SLCO5A1: variants seen among roughly 807,000 people sequenced by gnomAD.
SLCO5A1 encodes the protein organic anion transporter polypeptide-related protein 4.
SLCO5A1 carries 39 observed loss-of-function variants against 65.1 expected under a neutral mutation model. The observed-to-expected ratio is 0.60, with a 90% CI of 0.46 to 0.78. SLCO5A1 has a LOEUF of 0.78. Ranked by LOEUF, SLCO5A1 falls within the 30% of genes least tolerant of loss-of-function variation. The pLI is 0.00. For missense variants in SLCO5A1, 1,029 were observed against 1,069.4 expected, an observed-to-expected ratio of 0.96 and a Z score of 0.53; for synonymous variants, 438 against 415.7, an observed-to-expected ratio of 1.05 and a Z score of -0.65.
intron 6 of SLCO5A1, among the ~76,000 whole-genome samples, chr8:69,688,136 A>T (rs1466670111): frequency 6.6e-6 from 1 of 152,192 alleles, no homozygotes; most frequent in East Asian, 1.9e-4. Flanking sequence ...TGTGTCTCCA[A>T]ATAGAGCCAA....
intron 5 of SLCO5A1, among the ~76,000 whole-genome samples, chr8:69,710,858 T>C (rs1815210186): frequency 6.6e-6 from 1 of 152,130 alleles, no homozygotes; most frequent in African/African-American, 2.4e-5. Flanking sequence ...CTCGCTGCAC[T>C]ATCAAAACAG....
chr8:69,672,368 GA>G lies in SLCO5A1; in HGVS notation c.*500del, dbSNP rs1228161922. 1 of 161,990 alleles carries G rather than the reference GA, an allele frequency of 6.2e-6. No individual in the cohort carries two copies. Among genetic ancestry groups the G allele is most frequent in the Non-Finnish European group, 1.4e-5 (1 of 72,788 alleles). The allele number at this position is 161,990 out of a possible 1,614,324, so 10.0% of individuals were successfully genotyped here. ...CAGAAACATATCTGCTTTATTCCGT[GA>G]AAGTAAATGTAACATGCTGCACATA... On this transcript the variant is annotated 3_prime_UTR_variant, in exon 10 of 10. Transcript: ENST00000260126.
chr8:69,702,074 C>T (rs1308133592), intron 6 of SLCO5A1, among the ~76,000 whole-genome samples: 2 of 152,174 alleles, frequency 1.3e-5, no homozygotes, highest in East Asian at 3.8e-4. Flanking sequence ...AAAATTATTG[C>T]CCCTGCAAAT....
intron 5 of SLCO5A1, among the ~76,000 whole-genome samples, chr8:69,729,941 T>C (rs1816259954): frequency 6.6e-6 from 1 of 152,194 alleles, no homozygotes; most frequent in Non-Finnish European, 1.5e-5. Context: ...TGTTTTAAAA[T>C]CAGAAAACCT....
intron 3 of SLCO5A1, among the ~76,000 whole-genome samples, chr8:69,760,015 C>A (rs181948320): frequency 1.1e-4 from 16 of 152,284 alleles, no homozygotes; most frequent in Admixed American, 8.5e-4. Context: ...TGGCATAAAG[C>A]ACTGGTAAGA....
intron 2 of SLCO5A1, among the ~76,000 whole-genome samples, chr8:69,801,377 T>C (rs1819729618): frequency 6.6e-6 from 1 of 152,238 alleles, no homozygotes; most frequent in Non-Finnish European, 1.5e-5. Context: ...GAGTCTTTTT[T>C]TTCCTAATTA....
At chr8:69,685,355 C>T (rs1031163629) in intron 6 of SLCO5A1, among the ~76,000 whole-genome samples, 1 of 152,140 alleles carries the variant, frequency 6.6e-6, no homozygotes, top group Non-Finnish European at 1.5e-5. Flanking sequence ...TGAAGAGAAC[C>T]CATCATGAGA....
intron 4 of SLCO5A1, among the ~76,000 whole-genome samples, chr8:69,748,807 C>T (rs1029163762): frequency 2.0e-5 from 3 of 152,148 alleles, no homozygotes; most frequent in South Asian, 2.1e-4. Context: ...ATTCTCAGGC[C>T]GCACTCCAGA....
rs572762801 is a variant in SLCO5A1, at chr8:69,793,615, T to C, written c.908-31740A>G. On this transcript the variant is annotated intron_variant, in intron 2 of 9. Transcript: ENST00000260126. The stretch of plus-strand genomic sequence containing the variant: ...CCAACATGGCAAAACCCCTCTCTAC[T>C]AAAAATACAAAAATTAACCGGGTGT... Among the ~76,000 whole-genome samples the C allele has an allele frequency of 3.3e-5, 5 of 151,882 alleles. No homozygotes were observed. In the East Asian group the frequency reaches 7.8e-4, roughly 24 times the overall value.
At chr8:69,700,122 A>G (rs188277927) in intron 6 of SLCO5A1, 4 of 152,374 alleles carry the variant, frequency 2.6e-5, no homozygotes, top group East Asian at 1.9e-4. Context: ...CAGCCAAAAT[A>G]AAGAATTCAA....
chr8:69,716,796 T>A (rs1815561679), intron 5 of SLCO5A1, among the ~76,000 whole-genome samples: 1 of 151,756 alleles, frequency 6.6e-6, no homozygotes. Flanking sequence ...TTTTTTTTTT[T>A]TAAGACAGGG....
chr8:69,733,570 T>C (rs988048403), intron 5 of SLCO5A1, among the ~76,000 whole-genome samples: 1 of 152,230 alleles, frequency 6.6e-6, no homozygotes, highest in African/African-American at 2.4e-5. Context: ...TCTCAAATTG[T>C]AATCCCCGTA....
chr8:69,772,620 A>AAAGGAAAGGG (rs1818375418), intron 2 of SLCO5A1, among the ~76,000 whole-genome samples: 1 of 149,284 alleles, frequency 6.7e-6, no homozygotes, highest in African/African-American at 2.5e-5. Context: ...AAAGGAAAGG[A>AAAGGAAAGGG]AAGGAAAGGA....
At chr8:69,745,369 C>G (rs4373527) in intron 4 of SLCO5A1, among the ~76,000 whole-genome samples, 3,549 of 152,110 alleles carry the variant, frequency 0.023, 155 homozygotes, top group African/African-American at 0.081. Context: ...CTAAAGAGCC[C>G]TTCTAAAAGT....
At chr8:69,757,657 C>A (rs572073184) in intron 3 of SLCO5A1, among the ~76,000 whole-genome samples, 208 of 152,222 alleles carry the variant, frequency 1.4e-3, no homozygotes, top group Non-Finnish European at 2.6e-3. Context: ...CTAGCTTGGG[C>A]AACAAGAGTG....
intron 6 of SLCO5A1, among the ~76,000 whole-genome samples, chr8:69,695,109 T>G (rs183672292): frequency 4.6e-5 from 7 of 152,158 alleles, no homozygotes; most frequent in Non-Finnish European, 7.4e-5. Flanking sequence ...ATATACAAAG[T>G]GCTAGATTCT....
chr8:69,777,307 C>A (rs2069440684), intron 2 of SLCO5A1, among the ~76,000 whole-genome samples: 1 of 152,122 alleles, frequency 6.6e-6, no homozygotes, highest in Non-Finnish European at 1.5e-5. Context: ...TAAAAGAGTA[C>A]ACACTGGATG....
rs981929602 is a variant in SLCO5A1 at position 69,834,814 on chromosome 8, C to G, written c.-497+40G>C. The G allele has an allele frequency of 2.5e-4, 39 of 153,858 alleles. No individual in the cohort carries two copies. The East Asian group carries it at 6.9e-3, about 27-fold the overall frequency. 9.5% of individuals were successfully genotyped at this position (153,858 alleles called of 1,614,324 possible). A position where few individuals can be genotyped will look rare whatever the true frequency, so the allele number is the denominator to read the frequency against. On this transcript the variant is annotated intron_variant, in intron 1 of 9. Transcript: ENST00000260126. ...GGGAAGACAAGACCGCCGGCGACAG[C>G]CCGCCGCGCTGCCCGGGCGCTCAAG... is the stretch of plus-strand genomic sequence containing the variant.
chr8:69,710,036 T>TTTTTTTG (rs398073302), intron 5 of SLCO5A1, among the ~76,000 whole-genome samples: 11 of 148,262 alleles, frequency 7.4e-5, no homozygotes, highest in Non-Finnish European at 5.9e-5. Flanking sequence ...TTTTTTTTTT[T>TTTTTTTG]AGACAGAGTT....
Sources: allele counts gnomAD v4.1 joint callset (sites outside exome capture counted in the v4.1 genomes callset), GRCh38; gene constraint gnomAD v4.1.1; transcripts MANE v1.5; gene names NCBI Gene and HGNC (gene_info 2026-07-23, HGNC 2026-07-21).